COL4A3: variants seen among roughly 807,000 people sequenced by gnomAD.
The protein encoded by COL4A3 is collagen alpha-3(IV) chain.
COL4A3 carries 135 observed loss-of-function variants against 217.4 expected under a neutral mutation model. That is an observed-to-expected ratio of 0.62 (90% confidence interval 0.54 to 0.72). The LOEUF is 0.72. Among genes scored for constraint, COL4A3 ranks in the 30% least tolerant of loss-of-function variants. The pLI, the probability that COL4A3 is intolerant of heterozygous loss-of-function variation, is 0.00. For missense variants in COL4A3, 1,868 were observed against 2,119.9 expected, an observed-to-expected ratio of 0.88 and a Z score of 2.33; for synonymous variants, 690 against 736.3, an observed-to-expected ratio of 0.94 and a Z score of 1.02.
At chr2:227,255,427 A>G (rs1380756270) in intron 15 of COL4A3, among the ~76,000 whole-genome samples, 1 of 152,212 alleles carries the variant, frequency 6.6e-6, no homozygotes, top group East Asian at 1.9e-4. Context: ...CATTTGGAAA[A>G]GTAAAATCTA....
chr2:227,311,380 CT>C (rs11286889), intron 51 of COL4A3, among the ~76,000 whole-genome samples: 127,815 of 141,794 alleles, frequency 0.9, 57,435 homozygotes, highest in African/African-American at 0.92. Context: ...AATTTCTCTC[CT>C]TTTTTTTTTT....
chr2:227,306,392 C>A (rs1437253238), intron 47 of COL4A3, among the ~76,000 whole-genome samples: 5 of 152,186 alleles, frequency 3.3e-5, no homozygotes, highest in Non-Finnish European at 7.3e-5. Context: ...CCAGTTCCTG[C>A]CCTGCTCAGC....
chr2:227,253,390 C>A lies in COL4A3; in HGVS notation c.687+53C>A. 6.4e-7 allele frequency: 1 copy of A among 1,574,592 alleles called. No homozygotes were observed. Among genetic ancestry groups the A allele is most frequent in the Non-Finnish European group, 8.7e-7 (1 of 1,144,076 alleles). On this transcript the variant is annotated intron_variant, in intron 12 of 51. Transcript: ENST00000396578. This position sits in a 1 kb window ranked among gnomAD's most constrained non-coding sequence, Gnocchi z 4.4. Reference sequence around the variant, plus strand: ...AGGCGAGATATTTTATGTCCCAGAGCATATCAGCCTATACCGTTTACTTAC... The same window carrying A: ...AGGCGAGATATTTTATGTCCCAGAGAATATCAGCCTATACCGTTTACTTAC...
At chr2:227,275,564 T>C (rs2106119807) in intron 26 of COL4A3, among the ~76,000 whole-genome samples, 1 of 152,300 alleles carries the variant, frequency 6.6e-6, no homozygotes, top group East Asian at 1.9e-4. Context: ...TCCCATCACA[T>C]ACTGTAAACC....
chr2:227,267,061 G>A lies in COL4A3; in HGVS notation c.1477G>A (p.Gly493Arg), dbSNP rs2070941244. ...GCCTCCCGGTCTCCCAGGATTGCCA[G>A]GGTTACATGGTGTAAAAGGAATCCC... Reference protein sequence around the residue: ...PGPPGLPGLPGLHGVKGIPGR... With the variant: ...PGPPGLPGLPRLHGVKGIPGR... The change falls in exon 23 of 52, where the codon GGG (glycine) becomes AGG (arginine). Residue 493 changes from glycine (G) to arginine (R), a missense_variant. Coordinates refer to ENST00000396578, the MANE Select transcript of COL4A3 (RefSeq NM_000091.5). 3 of 1,614,014 alleles carry A rather than the reference G, an allele frequency of 1.9e-6. No homozygotes were observed. The highest frequency in any genetic ancestry group is 2.2e-5 in the East Asian group (1 of 44,874).
At chr2:227,225,839 G>A (rs2068060236) in intron 1 of COL4A3, among the ~76,000 whole-genome samples, 1 of 151,430 alleles carries the variant, frequency 6.6e-6, no homozygotes, top group Non-Finnish European at 1.5e-5. Flanking sequence ...AGCCACCCGA[G>A]TACCTGGGAC....
At chr2:227,180,722 CA>C (rs1353341320) in intron 1 of COL4A3, among the ~76,000 whole-genome samples, 2 of 152,162 alleles carry the variant, frequency 1.3e-5, no homozygotes, top group African/African-American at 2.4e-5. Flanking sequence ...TCTCCTGAAA[CA>C]ATACAATCGC....
chr2:227,299,905 T>C (rs2073205698), intron 43 of COL4A3, among the ~76,000 whole-genome samples: 1 of 152,206 alleles, frequency 6.6e-6, no homozygotes, highest in Non-Finnish European at 1.5e-5. Flanking sequence ...AATGACATTG[T>C]CACTTTTCCC....
intron 1 of COL4A3, among the ~76,000 whole-genome samples, chr2:227,230,301 G>A (rs1246669413): frequency 6.6e-6 from 1 of 152,154 alleles, no homozygotes; most frequent in Admixed American, 6.6e-5. Flanking sequence ...ATATTCAAAA[G>A]TGCTAAAACA....
intron 23 of COL4A3, among the ~76,000 whole-genome samples, chr2:227,268,000 T>C (rs1418711789): frequency 6.6e-6 from 1 of 152,210 alleles, no homozygotes; most frequent in Non-Finnish European, 1.5e-5. Flanking sequence ...AAAACGTCTC[T>C]GTTTACTGAC....
At chr2:227,216,844 T>C (rs1251822229) in intron 1 of COL4A3, among the ~76,000 whole-genome samples, 1 of 152,202 alleles carries the variant, frequency 6.6e-6, no homozygotes, top group Admixed American at 6.5e-5. Flanking sequence ...GGAGAGCCTG[T>C]CATACAATCA....
At chr2:227,303,418 G>A (rs1423676753) in intron 44 of COL4A3, among the ~76,000 whole-genome samples, 1 of 152,144 alleles carries the variant, frequency 6.6e-6, no homozygotes, top group Non-Finnish European at 1.5e-5. Flanking sequence ...AACTCCTAAC[G>A]TAACTAACTC....
chr2:227,287,205 G>A (rs976601035), intron 34 of COL4A3, among the ~76,000 whole-genome samples: 2 of 151,560 alleles, frequency 1.3e-5, no homozygotes, highest in African/African-American at 4.9e-5. Context: ...AGGCCGAGGC[G>A]GGTGGATCAT....
At chr2:227,188,531 A>G (rs948681733) in intron 1 of COL4A3, among the ~76,000 whole-genome samples, 6 of 152,002 alleles carry the variant, frequency 3.9e-5, no homozygotes, top group African/African-American at 1.4e-4. Flanking sequence ...ACAGAGTTAC[A>G]GCAGTTTGCT....
chr2:227,216,093 T>G (rs1025598926), intron 1 of COL4A3, among the ~76,000 whole-genome samples: 1 of 151,994 alleles, frequency 6.6e-6, no homozygotes, highest in African/African-American at 2.4e-5. Context: ...GAATGAGAGA[T>G]TGCTGCTTAA....
At chr2:227,195,722 G>C (rs2066448710) in intron 1 of COL4A3, among the ~76,000 whole-genome samples, 1 of 138,854 alleles carries the variant, frequency 7.2e-6, no homozygotes, top group South Asian at 2.3e-4. Flanking sequence ...CTGTAGAACA[G>C]CCTCAGGCAG....
chr2:227,229,623 T>A (rs1191417605), intron 1 of COL4A3, among the ~76,000 whole-genome samples: 1 of 151,284 alleles, frequency 6.6e-6, no homozygotes. Context: ...GAAAGGGGAG[T>A]CCCCCAGTGA....
At chr2:227,246,644 A>G (rs2069357185) in intron 6 of COL4A3, 41 bp from the exon 7 acceptor site, 1 of 1,523,728 alleles carries the variant, frequency 6.6e-7, no homozygotes, top group Non-Finnish European at 9.1e-7. Context: ...AGGCTCTTCT[A>G]GAACAACTAA....
At chr2:227,176,227 TCCA>T (rs1220716462) in intron 1 of COL4A3, among the ~76,000 whole-genome samples, 2 of 152,208 alleles carry the variant, frequency 1.3e-5, no homozygotes, top group Non-Finnish European at 2.9e-5. Context: ...AGGTTAAAAA[TCCA>T]CCCCACTTCT....
Sources: gnomAD v4.1 joint callset for allele counts (sites outside exome capture counted in the v4.1 genomes callset) on GRCh38, gnomAD v4.1.1 for gene constraint, Gnocchi (gnomAD v3.1) non-coding constraint, MANE v1.5 for transcripts, NCBI Gene and HGNC (gene_info 2026-07-23, HGNC 2026-07-21) for gene names.